The following HHAT variants were observed in gnomAD, a reference collection of about 807,000 sequenced individuals.
HHAT encodes protein-cysteine N-palmitoyltransferase HHAT.
In HHAT, 47 loss-of-function variants were observed where a neutral mutation model predicts 70.8. The ratio of observed to expected loss-of-function variants is 0.66; its 90% CI spans 0.53 to 0.85. The LOEUF is 0.85. Ranked by LOEUF, HHAT falls within the 40% of genes least tolerant of loss-of-function variation. The pLI is 0.00. For synonymous variants in HHAT, 228 were observed against 247.6 expected (o/e 0.92, Z 0.74); for missense variants, 609 against 604.8 (o/e 1.01, Z -0.07).
intron 11 of HHAT, among the ~76,000 whole-genome samples, chr1:210,628,623 G>A (rs1213349674): frequency 6.6e-6 from 1 of 152,186 alleles, no homozygotes; most frequent in African/African-American, 2.4e-5. Flanking sequence ...TTTCCCTCTA[G>A]ATTGCAATGA....
At chr1:210,616,225 A>C (rs1010811462) in intron 10 of HHAT, among the ~76,000 whole-genome samples, 1 of 151,870 alleles carries the variant, frequency 6.6e-6, no homozygotes, top group Admixed American at 6.6e-5. Context: ...ATTTTCAAGA[A>C]TATGACATAT....
chr1:210,476,786 T>C (rs920548535), intron 8 of HHAT, among the ~76,000 whole-genome samples: 9 of 147,808 alleles, frequency 6.1e-5, no homozygotes, highest in African/African-American at 2.2e-4. Context: ...GCCACATCAG[T>C]TTCTCCTGGG....
intron 10 of HHAT, among the ~76,000 whole-genome samples, chr1:210,618,991 G>A (rs1023901620): frequency 2.6e-5 from 4 of 152,156 alleles, no homozygotes; most frequent in Admixed American, 2.6e-4. Flanking sequence ...GCCAAGTGTT[G>A]CCATAGCTGA....
intron 1 of HHAT, among the ~76,000 whole-genome samples, chr1:210,330,239 A>G (rs1019735967): frequency 6.6e-6 from 1 of 152,024 alleles, no homozygotes; most frequent in Non-Finnish European, 1.5e-5. Context: ...TCTCGTTGCC[A>G]GTCAGTCCCT....
intron 8 of HHAT, among the ~76,000 whole-genome samples, chr1:210,497,860 G>C (rs1454807560): frequency 6.6e-6 from 1 of 151,554 alleles, no homozygotes; most frequent in Non-Finnish European, 1.5e-5. Context: ...CCACCTCCCT[G>C]GTTCAAGCAA....
At chr1:210,360,846 C>CATT in intron 2 of HHAT, among the ~76,000 whole-genome samples, 1 of 124,302 alleles carries the variant, frequency 8.0e-6, no homozygotes, top group South Asian at 2.5e-4. Context: ...ATTAACTTCA[C>CATT]TTTTTTTTTT....
intron 9 of HHAT, among the ~76,000 whole-genome samples, chr1:210,550,932 CTCTAGG>C (rs1185597633): frequency 4.0e-5 from 6 of 148,534 alleles, no homozygotes; most frequent in African/African-American, 1.5e-4. Flanking sequence ...CCTCCCAAAG[CTCTAGG>C]ATTACAGGTG....
chr1:210,586,780 G>A (rs1278763576), intron 9 of HHAT, among the ~76,000 whole-genome samples: 1 of 152,212 alleles, frequency 6.6e-6, no homozygotes, highest in East Asian at 1.9e-4. Flanking sequence ...TGCAAGAAGG[G>A]TATGCTCCTA....
At position 210,379,249 on chromosome 1, in the gene HHAT, G is replaced by T. The variant is rs538369363; in HGVS notation, c.160-8219G>T. On this transcript the variant is annotated intron_variant, in intron 3 of 11. Coordinates refer to ENST00000261458, the MANE Select transcript of HHAT (RefSeq NM_018194.6). ...GTCTCTGCCACCATTTTCTTCAGAA[G>T]TCTCACAGACCATACATTGTTTCTT... Among the ~76,000 whole-genome samples, 180 of 152,356 alleles carry T rather than the reference G, an allele frequency of 1.2e-3. 1 individual carries two copies. Among genetic ancestry groups the T allele is most frequent in the South Asian group, 9.1e-3 (44 of 4,828 alleles).
rs184453153 is a variant in HHAT, at chr1:210,351,907, C to T, written c.91+2841C>T. Among the ~76,000 whole-genome samples the T allele has an allele frequency of 9.5e-4, 144 of 152,296 alleles. 1 individual carries two copies. The highest frequency in any genetic ancestry group is 3.3e-3 in the African/African-American group (136 of 41,564). On this transcript the variant is annotated intron_variant, in intron 2 of 11. Coordinates refer to ENST00000261458, the MANE Select transcript of HHAT (RefSeq NM_018194.6). ...CCAGATTGAAGGGAAGGAAAGACTG[C>T]ACCTTTTTACAGGTGGAGCAGCATG...
At chr1:210,504,960 T>C (rs2094826416) in intron 8 of HHAT, among the ~76,000 whole-genome samples, 1 of 143,872 alleles carries the variant, frequency 7.0e-6, no homozygotes, top group Admixed American at 7.5e-5. Context: ...TGGAGTGCAG[T>C]GGTGTGATCT....
chr1:210,404,812 A>G (rs1558449560), intron 6 of HHAT, 133 bp downstream of exon 6: 1 of 646,024 alleles, frequency 1.5e-6, no homozygotes, highest in Admixed American at 3.0e-5. Context: ...ATTAGTTCTC[A>G]TGAGGTTTTT....
chr1:210,330,678 G>A (rs557975336), intron 1 of HHAT, among the ~76,000 whole-genome samples: 2 of 152,288 alleles, frequency 1.3e-5, no homozygotes, highest in African/African-American at 4.8e-5. Context: ...TTCCAGCTTA[G>A]GACCTGGCCC....
intron 11 of HHAT, among the ~76,000 whole-genome samples, chr1:210,664,348 C>A (rs1468451589): frequency 6.6e-6 from 1 of 152,202 alleles, no homozygotes. Flanking sequence ...CTTATCGTTT[C>A]CCCCTATCAG....
intron 11 of HHAT, among the ~76,000 whole-genome samples, chr1:210,639,146 T>C (rs139560432): frequency 6.6e-6 from 1 of 152,292 alleles, no homozygotes; most frequent in Non-Finnish European, 1.5e-5. Flanking sequence ...CATTCATCCA[T>C]GCACCCAACA....
chr1:210,416,161 C>T (rs186535720), intron 6 of HHAT, among the ~76,000 whole-genome samples: 4 of 152,290 alleles, frequency 2.6e-5, no homozygotes, highest in African/African-American at 9.6e-5. Context: ...AAATAAATCC[C>T]CTGCCGTGTA....
At chr1:210,502,007 T>A (rs191087930) in intron 8 of HHAT, among the ~76,000 whole-genome samples, 1 of 128,994 alleles carries the variant, frequency 7.8e-6, no homozygotes, top group Admixed American at 8.3e-5. Context: ...ATATTTTAGG[T>A]CTCCTCTATT....
chr1:210,604,755 C>T (rs926416444), intron 10 of HHAT, among the ~76,000 whole-genome samples: 3 of 152,080 alleles, frequency 2.0e-5, no homozygotes, highest in Non-Finnish European at 4.4e-5. Context: ...GTGGCTCATA[C>T]CTATAATCCC....
chr1:210,519,011 TAG>T (rs2095107430), intron 9 of HHAT, among the ~76,000 whole-genome samples: 1 of 152,208 alleles, frequency 6.6e-6, no homozygotes, highest in Non-Finnish European at 1.5e-5. Context: ...AAACCAGTGT[TAG>T]AGTCTTGGGA....
Sources: gnomAD v4.1 joint callset for allele counts (sites outside exome capture counted in the v4.1 genomes callset) on GRCh38, gnomAD v4.1.1 for gene constraint, MANE v1.5 for transcripts, NCBI Gene and HGNC (gene_info 2026-07-23, HGNC 2026-07-21) for gene names.